ZSCAN29: variants seen among roughly 807,000 people sequenced by gnomAD.
ZSCAN29 encodes the protein zinc finger and SCAN domain containing 29.
ZSCAN29 carries 55 observed loss-of-function variants against 71.9 expected under a neutral mutation model. That is an observed-to-expected ratio of 0.76 (90% CI 0.62 to 0.96). The LOEUF is 0.96. ZSCAN29 is among the 40% of genes least tolerant of loss of function. The pLI, the probability that ZSCAN29 is intolerant of heterozygous loss-of-function variation, is 0.00. For synonymous variants in ZSCAN29, 351 were observed against 371.6 expected, an observed-to-expected ratio of 0.94 and a Z score of 0.64; for missense variants, 1,042 against 1,042.2, an observed-to-expected ratio of 1.00 and a Z score of 0.00.
At position 43,364,075 on chromosome 15, in the gene ZSCAN29, A is replaced by G; in HGVS notation, c.1530T>C (p.Ala510=). 2 of 1,614,180 alleles carry G rather than the reference A, an allele frequency of 1.2e-6. No individual in the cohort carries two copies. Among genetic ancestry groups the G allele is most frequent in the African/African-American group, 1.3e-5 (1 of 75,048 alleles). Reference sequence around the variant, plus strand: ...CACTGGTCCCCTGGACGGGGCAAGAAGCAGTCTCTTCCTGGCCATCATTGG... The same window carrying G: ...CACTGGTCCCCTGGACGGGGCAAGAGGCAGTCTCTTCCTGGCCATCATTGG... ...APPNDGQEET[A]SCPVQGTSEA... The change falls in exon 5 of 6, where the codon GCT becomes GCC. Residue 510 remains alanine, a synonymous_variant. Transcript: ENST00000684362.
chr15:43,363,618 T>G (rs1315065574), intron 5 of ZSCAN29: 1 of 313,562 alleles, frequency 3.2e-6, no homozygotes, highest in Non-Finnish European at 5.9e-6. Flanking sequence ...TTGAGAAATG[T>G]GAGCTTTCAG....
rs1353395313 is a variant in ZSCAN29, at chr15:43,369,027, G to C, written c.419C>G (p.Pro140Arg). ...TTTCTTGGGTACACCCCTGGGCTGG[G>C]GTTCCACTGACTCCTGCCGAACACT... is the stretch of plus-strand genomic sequence containing the variant. The part of the protein sequence containing the change: ...LLSVRQESVE[P>R]QPRGVPKKER... The change falls in exon 3 of 6, where the codon CCC becomes CGC. Residue 140 changes from proline to arginine, a missense_variant. Coordinates refer to ENST00000684362, the MANE Select transcript of ZSCAN29 (RefSeq NM_001372080.1). The C allele has an allele frequency of 1.2e-6, 2 of 1,612,366 alleles. No homozygotes were observed.
chr15:43,364,484 G>C (rs749597878), intron 4 of ZSCAN29, 102 bp from the exon 5 acceptor site: 17 of 1,076,128 alleles, frequency 1.6e-5, no homozygotes, highest in Non-Finnish European at 2.2e-5. Context: ...CTAAGCTCAG[G>C]CTCCTAGATG....
At chr15:43,370,067 A>G (rs2044086536) in intron 1 of ZSCAN29, 42 bp from the exon 2 acceptor site, 3 of 794,166 alleles carry the variant, frequency 3.8e-6, no homozygotes, top group East Asian at 5.4e-5. Flanking sequence ...GAATACATTC[A>G]TATGTCTAAA....
chr15:43,361,263 T>G lies in ZSCAN29; in HGVS notation c.2369A>C (p.His790Pro), dbSNP rs144329084. 8.1e-6 allele frequency: 13 copies of G among 1,614,096 alleles called. No individual in the cohort carries two copies. Among genetic ancestry groups the G allele is most frequent in the Non-Finnish European group, 9.3e-6 (11 of 1,179,968 alleles). Reference sequence around the variant, plus strand: ...ACTCTTTCCACAGTCAGGACACACATGGGGTCTCTCTCCTGTGTGTATCCT... The same window carrying G: ...ACTCTTTCCACAGTCAGGACACACAGGGGGTCTCTCTCCTGTGTGTATCCT... ...HRRIHTGERP[H>P]VCPDCGKSFS... The change falls in exon 6 of 6, where the codon CAT (histidine) becomes CCT (proline). Residue 790 changes from histidine (H) to proline (P), a missense_variant. Coordinates refer to ENST00000684362, the MANE Select transcript of ZSCAN29 (RefSeq NM_001372080.1).
chr15:43,370,953 A>C lies in ZSCAN29; in HGVS notation c.-508T>G. 1 of 210,492 alleles carries C rather than the reference A, an allele frequency of 4.8e-6. No homozygotes were observed. Among genetic ancestry groups the C allele is most frequent in the Non-Finnish European group, 9.8e-6 (1 of 102,390 alleles). The allele number at this position is 210,492 out of a possible 1,614,324, so 13.0% of individuals were successfully genotyped here. A position where few individuals can be genotyped will look rare whatever the true frequency, so the allele number is the denominator to read the frequency against. ...GCATCCTTGCCTCCGGGCCAGCCTCACCCACTCGGGGTCCGACCCTGACCC... is the reference window on the plus strand; with the variant it reads ...GCATCCTTGCCTCCGGGCCAGCCTCCCCCACTCGGGGTCCGACCCTGACCC... On this transcript the variant is annotated 5_prime_UTR_variant, in exon 1 of 6. Transcript: ENST00000684362.
Position 43,370,662 on chromosome 15 carries a change from G to A in ZSCAN29, c.-217C>T, listed in dbSNP as rs1396781413. The A allele has an allele frequency of 6.5e-6, 1 of 152,730 alleles. No individual in the cohort carries two copies. Among genetic ancestry groups the A allele is most frequent in the African/African-American group, 2.4e-5 (1 of 41,474 alleles). The allele number at this position is 152,730 out of a possible 1,614,324, so 9.5% of individuals were successfully genotyped here. A position where few individuals can be genotyped will look rare whatever the true frequency, so the allele number is the denominator to read the frequency against. On this transcript the variant is annotated 5_prime_UTR_variant, in exon 1 of 6. Transcript: ENST00000684362. ...TTGGGCAGGAGAGACGGAATCCGAG[G>A]AGCAGTAGTAACGGGCTTCCTGAGG...
chr15:43,361,187 C>G lies in ZSCAN29; in HGVS notation c.2445G>C (p.Glu815Asp), dbSNP rs2043974581. 2 of 1,614,200 alleles carry G rather than the reference C, an allele frequency of 1.2e-6. No homozygotes were observed. Among genetic ancestry groups the G allele is most frequent in the Non-Finnish European group, 1.7e-6 (2 of 1,180,026 alleles). ...LRAHHRTHTG[E>D]KPYGCHDCGK... ...CACAGTCATGACACCCATAGGGTTT[C>G]TCTCCTGTGTGGGTTCTATGATGTG... The change falls in exon 6 of 6, where the codon GAG (glutamate) becomes GAC (aspartate). Residue 815 changes from glutamate to aspartate, a missense_variant. Glu to Asp is a conservative substitution (Grantham distance 45). Transcript: ENST00000684362.
Position 43,366,215 on chromosome 15 carries a change from C to G in ZSCAN29, c.1117G>C (p.Ala373Pro). Residue 373 changes from alanine (A) to proline (P), a missense_variant, in exon 4 of 6, where the codon GCA (alanine) becomes CCA (proline). Transcript: ENST00000684362. The stretch of plus-strand genomic sequence containing the variant: ...GACTCCTGAGCCACAGCCTCTTCTG[C>G]TCCCTCCTCATGCTGCCAGCCCCTC... ...GQRGWQHEEG[A>P]EEAVAQESDS... is the part of the protein sequence containing the mutation. The G allele has an allele frequency of 6.2e-7, 1 of 1,613,566 alleles. No homozygotes were observed. The highest frequency in any genetic ancestry group is 8.5e-7 in the Non-Finnish European group (1 of 1,180,042).
chr15:43,369,500 A>G (rs2044075704), intron 2 of ZSCAN29, 96 bp downstream of exon 2: 1 of 1,368,282 alleles, frequency 7.3e-7, no homozygotes. Context: ...AGCCTCACCA[A>G]GGGAGACTGT....
intron 3 of ZSCAN29, 124 bp downstream of exon 3, chr15:43,368,797 CAT>C (rs1298838075): frequency 2.4e-6 from 2 of 839,990 alleles, no homozygotes; most frequent in African/African-American, 3.4e-5. Flanking sequence ...GGCTAAACTA[CAT>C]GTCAACAACC....
chr15:43,362,052 G>C, intron 5 of ZSCAN29, 111 bp from the exon 6 acceptor site: 1 of 1,098,242 alleles, frequency 9.1e-7, no homozygotes, highest in Non-Finnish European at 1.3e-6. Flanking sequence ...AATTTAGGGA[G>C]CCCTAGATCC....
At chr15:43,364,563 C>G (rs1195841736) in intron 4 of ZSCAN29, 181 bp from the exon 5 acceptor site, 1 of 706,700 alleles carries the variant, frequency 1.4e-6, no homozygotes, top group Non-Finnish European at 2.5e-6. Flanking sequence ...TTCTTTATAT[C>G]CTTTAGCAAT....
Position 43,364,164 on chromosome 15 carries a change from G to A in ZSCAN29, c.1441C>T (p.Pro481Ser). Residue 481 changes from proline (P) to serine (S), a missense_variant, in exon 5 of 6, where the codon CCA becomes TCA. Coordinates refer to ENST00000684362, the MANE Select transcript of ZSCAN29 (RefSeq NM_001372080.1). ...TCTTCAAAGAAGGGACAGGTCTCTG[G>A]TGCCTGGCCATTCTTAACTTTCCGA... ...SYRKVKNGQA[P>S]ETCPFFEEMD... is the part of the protein sequence containing the mutation. The A allele has an allele frequency of 1.2e-6, 2 of 1,614,150 alleles. No individual in the cohort carries two copies. Among genetic ancestry groups the A allele is most frequent in the Non-Finnish European group, 1.7e-6 (2 of 1,180,034 alleles).
At chr15:43,364,434 T>C (rs766077431) in intron 4 of ZSCAN29, 52 bp from the exon 5 acceptor site, 1 of 1,515,394 alleles carries the variant, frequency 6.6e-7, no homozygotes, top group Non-Finnish European at 9.1e-7. Flanking sequence ...CTTTAGAGCC[T>C]GAATTCCTCA....
rs778677754 is a variant in ZSCAN29 at position 43,366,404 on chromosome 15, G to A, written c.928C>T (p.Arg310Trp). The change falls in exon 4 of 6, where the codon CGG becomes TGG. Residue 310 changes from arginine (R) to tryptophan (W), a missense_variant. By Grantham distance (101) the Arg-to-Trp change is moderately radical. Transcript: ENST00000684362. The stretch of plus-strand genomic sequence containing the variant: ...GGTGGGTGGCCGCTCTTGACTTTCC[G>A]ATAGCTCTTCTGGAGACCTTTGAAC... The part of the protein sequence containing the change: ...TKFKGLQKSY[R>W]KVKSGHPPET... The A allele has an allele frequency of 4.3e-5, 69 of 1,613,988 alleles. No homozygotes were observed. Among genetic ancestry groups the A allele is most frequent in the African/African-American group, 8.0e-5 (6 of 74,902 alleles).
Position 43,360,964 on chromosome 15 carries a change from T to C in ZSCAN29, c.*109A>G. 1 of 1,411,050 alleles carries C rather than the reference T, an allele frequency of 7.1e-7. No homozygotes were observed. The highest frequency in any genetic ancestry group is 9.5e-7 in the Non-Finnish European group (1 of 1,050,174). The allele number at this position is 1,411,050 out of a possible 1,614,324, so 87.4% of individuals were successfully genotyped here. ...ACAAACAGTGGCATAAATCCTAAAG[T>C]GAATTTCCTAAGCTAACTGGACACA... On this transcript the variant is annotated 3_prime_UTR_variant, in exon 6 of 6. Coordinates refer to ENST00000684362, the MANE Select transcript of ZSCAN29 (RefSeq NM_001372080.1).
chr15:43,367,101 G>C (rs999962969), intron 3 of ZSCAN29, among the ~76,000 whole-genome samples: 8 of 152,192 alleles, frequency 5.3e-5, no homozygotes, highest in African/African-American at 1.9e-4. Context: ...TCCTAGTACT[G>C]CTGGGAATAA....
Position 43,369,982 on chromosome 15 carries a change from T to A in ZSCAN29, c.-69A>T. The A allele has an allele frequency of 6.9e-7, 1 of 1,458,494 alleles. No individual in the cohort carries two copies. Among genetic ancestry groups the A allele is most frequent in the Non-Finnish European group, 9.2e-7 (1 of 1,088,498 alleles). 90.3% of individuals were successfully genotyped at this position (1,458,494 alleles called of 1,614,324 possible). A position where few individuals can be genotyped will look rare whatever the true frequency, so the allele number is the denominator to read the frequency against. On this transcript the variant is annotated 5_prime_UTR_variant, in exon 2 of 6. Transcript: ENST00000684362. ...CAGGGCTTACATCTATCTTCCCATG[T>A]CCTTGGAGAATCCCCTGCAGATGAC...
Sources: allele counts gnomAD v4.1 joint callset (sites outside exome capture counted in the v4.1 genomes callset), GRCh38; gene constraint gnomAD v4.1.1; transcripts MANE v1.5; gene names NCBI Gene and HGNC (gene_info 2026-07-23, HGNC 2026-07-21).